Variants in RAB18 observed in about 807,000 individuals in gnomAD.
RAB18 encodes the protein ras-related protein Rab-18.
RAB18 carries 10 observed loss-of-function variants against 28.5 expected under a neutral mutation model. The observed-to-expected ratio is 0.35, with a 90% CI of 0.22 to 0.60. The LOEUF (loss-of-function observed/expected upper bound fraction) is 0.60. Ranked by LOEUF, RAB18 falls within the 20% of genes least tolerant of loss-of-function variation. RAB18 has a pLI of 0.78. For synonymous variants in RAB18, 93 were observed against 86.9 expected, an observed-to-expected ratio of 1.07 and a Z score of -0.39; for missense variants, 188 against 244.2, an observed-to-expected ratio of 0.77 and a Z score of 1.53.
intron 6 of RAB18, among the ~76,000 whole-genome samples, chr10:27,536,923 G>A (rs1327756905): frequency 1.3e-5 from 2 of 152,212 alleles, no homozygotes; most frequent in South Asian, 4.1e-4. Flanking sequence ...TTTAGAAGAG[G>A]TTTCAAAGAG....
chr10:27,534,075 A>G, intron 6 of RAB18, 81 bp downstream of exon 6: 2 of 1,318,332 alleles, frequency 1.5e-6, no homozygotes, highest in East Asian at 2.3e-5. Flanking sequence ...TTATTTCTTT[A>G]TGAACCATAA....
rs1564836560 is a variant in RAB18 at position 27,532,566 on chromosome 10, G to A, written c.246G>A (p.Gln82=). 6.3e-7 allele frequency: 1 copy of A among 1,598,670 alleles called. No individual in the cohort carries two copies. The highest frequency in any genetic ancestry group is 2.2e-5 in the East Asian group (1 of 44,630). ...CTCCCAGCTATTATAGAGGTGCACA[G>A]GGTGTTATATTAGGTAAGTGTTTAC... ...TLTPSYYRGA[Q]GVILVYDVTR... Residue 82 remains glutamine (Q), a synonymous_variant, in exon 4 of 7, where the codon CAG becomes CAA. Transcript: ENST00000356940.
At chr10:27,519,194 A>C (rs565332299) in intron 2 of RAB18, among the ~76,000 whole-genome samples, 19 of 152,242 alleles carry the variant, frequency 1.2e-4, no homozygotes, top group Admixed American at 7.2e-4. Context: ...CTAAAAAAGA[A>C]ATATCACGTA....
Position 27,541,505 on chromosome 10 carries a change from T to TGCCCCTC in RAB18, c.*3460_*3461insCGCCCCT, listed in dbSNP as rs1174688583. ...GATTGTGGTATAAAGTTTGCTTAAG[T>TGCCCCTC]GCCCCTTAGTTAAAGCTGTTCAATG... On this transcript the variant is annotated 3_prime_UTR_variant, in exon 7 of 7. Coordinates refer to ENST00000356940, the MANE Select transcript of RAB18 (RefSeq NM_021252.5). 1 of 454,050 alleles carries TGCCCCTC rather than the reference T, an allele frequency of 2.2e-6. No homozygotes were observed. The highest frequency in any genetic ancestry group is 4.4e-6 in the Non-Finnish European group (1 of 226,774). The allele number at this position is 454,050 out of a possible 1,614,324, so 28.1% of individuals were successfully genotyped here.
chr10:27,506,816 G>A (rs1837850170), intron 1 of RAB18, among the ~76,000 whole-genome samples: 1 of 152,038 alleles, frequency 6.6e-6, no homozygotes, highest in African/African-American at 2.4e-5. Context: ...CCTAGTTCAT[G>A]CCACCGAAAC....
rs1254580125 is a variant in RAB18, at chr10:27,538,386, T to G, written c.*335T>G. 3 of 471,834 alleles carry G rather than the reference T, an allele frequency of 6.4e-6. No individual in the cohort carries two copies. Among genetic ancestry groups the G allele is most frequent in the African/African-American group, 3.9e-5 (2 of 50,752 alleles). 29.2% of individuals were successfully genotyped at this position (471,834 alleles called of 1,614,324 possible). On this transcript the variant is annotated 3_prime_UTR_variant, in exon 7 of 7. Transcript: ENST00000356940. ...CAAAGTCTGCTTTTGCTATTCTTTT[T>G]GCTTAAATACTCCTATCATTTTCTG... is the stretch of plus-strand genomic sequence containing the variant.
In RAB18 at chr10:27,539,223, A is replaced by G; in HGVS notation, c.*1172A>G. 1 of 329,482 alleles carries G rather than the reference A, an allele frequency of 3.0e-6. No individual in the cohort carries two copies. Among genetic ancestry groups the G allele is most frequent in the Non-Finnish European group, 5.9e-6 (1 of 170,260 alleles). The allele number at this position is 329,482 out of a possible 1,614,324, so 20.4% of individuals were successfully genotyped here. A position where few individuals can be genotyped will look rare whatever the true frequency, so the allele number is the denominator to read the frequency against. ...ATTTTTTTCATTCATGTGTTATTTA[A>G]TTTACACTGATCTCTGCTATTTTAA... On this transcript the variant is annotated 3_prime_UTR_variant, in exon 7 of 7. Transcript: ENST00000356940.
intron 2 of RAB18, among the ~76,000 whole-genome samples, chr10:27,511,610 T>G (rs1473988969): frequency 1.3e-5 from 2 of 152,252 alleles, no homozygotes; most frequent in East Asian, 3.8e-4. Context: ...TCTCTCAATT[T>G]GTGTATGTCC....
intron 2 of RAB18, among the ~76,000 whole-genome samples, chr10:27,515,310 ATTTT>A (rs1051788582): frequency 6.6e-6 from 1 of 152,020 alleles, no homozygotes; most frequent in Non-Finnish European, 1.5e-5. Flanking sequence ...TAAGTTTTTT[ATTTT>A]TTTATTTACC....
rs1249363406 is a variant in RAB18, at chr10:27,539,801, C to G, written c.*1750C>G. ...TTTATATTGTAACCTTTTTCTAGTTCTTGAATAAATATAGCCTGCTTTCCC... is the reference window on the plus strand; with the variant it reads ...TTTATATTGTAACCTTTTTCTAGTTGTTGAATAAATATAGCCTGCTTTCCC... On this transcript the variant is annotated 3_prime_UTR_variant, in exon 7 of 7. Coordinates refer to ENST00000356940, the MANE Select transcript of RAB18 (RefSeq NM_021252.5). 2 of 452,226 alleles carry G rather than the reference C, an allele frequency of 4.4e-6. No individual in the cohort carries two copies. Among genetic ancestry groups the G allele is most frequent in the African/African-American group, 2.0e-5 (1 of 49,856 alleles). The allele number at this position is 452,226 out of a possible 1,614,324, so 28.0% of individuals were successfully genotyped here. A position where few individuals can be genotyped will look rare whatever the true frequency, so the allele number is the denominator to read the frequency against.
rs916176818 is a variant in RAB18, at chr10:27,540,868, C to T, written c.*2817C>T. ...GCTTGCATGGTCAAGAGACATGATT[C>T]TCTACTAAGGGTGGGGCTAGCACCA... On this transcript the variant is annotated 3_prime_UTR_variant, in exon 7 of 7. Transcript: ENST00000356940. 4 of 453,914 alleles carry T rather than the reference C, an allele frequency of 8.8e-6. No individual in the cohort carries two copies. Among genetic ancestry groups the T allele is most frequent in the Non-Finnish European group, 1.8e-5 (4 of 226,780 alleles). 28.1% of individuals were successfully genotyped at this position (453,914 alleles called of 1,614,324 possible).
chr10:27,518,373 C>T (rs970880155), intron 2 of RAB18, among the ~76,000 whole-genome samples: 1 of 152,120 alleles, frequency 6.6e-6, no homozygotes, highest in African/African-American at 2.4e-5. Context: ...TATGAGAATT[C>T]TTATTCTTCT....
chr10:27,530,506 ATG>A (rs1299527225), intron 3 of RAB18, among the ~76,000 whole-genome samples: 2 of 151,888 alleles, frequency 1.3e-5, no homozygotes, highest in East Asian at 3.9e-4. Context: ...CAAAGTTATA[ATG>A]TATCTGGATA....
Position 27,513,032 on chromosome 10 carries a change from A to T in RAB18, c.124+3102A>T, listed in dbSNP as rs926051124. 3.1e-3 allele frequency among the ~76,000 whole-genome samples: 445 copies of T among 142,572 alleles called. 3 individuals are homozygous for T. The highest frequency in any genetic ancestry group is 0.011 in the African/African-American group (421 of 38,546). 93.5% of individuals were successfully genotyped at this position (142,572 alleles called of 152,430 possible). On this transcript the variant is annotated intron_variant, in intron 2 of 6. Coordinates refer to ENST00000356940, the MANE Select transcript of RAB18 (RefSeq NM_021252.5). Reference sequence around the variant, plus strand: ...GGTAATAACATATATATATATATATATTTTTTTTTTTTTTTTGGAGACAAG... The same window carrying T: ...GGTAATAACATATATATATATATATTTTTTTTTTTTTTTTTTGGAGACAAG...
intron 2 of RAB18, chr10:27,510,380 G>C (rs12356076): frequency 0.43 from 87,658 of 201,682 alleles, 20,092 homozygotes; most frequent in Non-Finnish European, 0.5. Flanking sequence ...TGTTTGACGT[G>C]TATTCTTATC....
Position 27,541,400 on chromosome 10 carries a change from G to A in RAB18, c.*3349G>A, listed in dbSNP as rs756197486. On this transcript the variant is annotated 3_prime_UTR_variant, in exon 7 of 7. Transcript: ENST00000356940. ...AGTTGGGAACATCTATCATGCTGGAGGACTACTGTGATGGGGCTTTACATT... is the reference window on the plus strand; with the variant it reads ...AGTTGGGAACATCTATCATGCTGGAAGACTACTGTGATGGGGCTTTACATT... 2.2e-6 allele frequency: 1 copy of A among 453,372 alleles called. No homozygotes were observed. Among genetic ancestry groups the A allele is most frequent in the South Asian group, 1.6e-5 (1 of 64,438 alleles). 28.1% of individuals were successfully genotyped at this position (453,372 alleles called of 1,614,324 possible). A position where few individuals can be genotyped will look rare whatever the true frequency, so the allele number is the denominator to read the frequency against.
At chr10:27,506,995 G>T (rs1343465302) in intron 1 of RAB18, among the ~76,000 whole-genome samples, 2 of 152,150 alleles carry the variant, frequency 1.3e-5, no homozygotes, top group African/African-American at 2.4e-5. Flanking sequence ...TACATTATTG[G>T]CCTGTGTGAT....
Position 27,539,077 on chromosome 10 carries a change from A to G in RAB18, c.*1026A>G, listed in dbSNP as rs1834964884. The G allele has an allele frequency of 2.3e-6, 1 of 426,244 alleles. No individual in the cohort carries two copies. Among genetic ancestry groups the G allele is most frequent in the Admixed American group, 2.6e-5 (1 of 38,168 alleles). 26.4% of individuals were successfully genotyped at this position (426,244 alleles called of 1,614,324 possible). A position where few individuals can be genotyped will look rare whatever the true frequency, so the allele number is the denominator to read the frequency against. Reference sequence around the variant, plus strand: ...ATGTGTGAGGGAAAATACTGTCACAATGAAAATCTTGACAATTTACTTAAC... The same window carrying G: ...ATGTGTGAGGGAAAATACTGTCACAGTGAAAATCTTGACAATTTACTTAAC... On this transcript the variant is annotated 3_prime_UTR_variant, in exon 7 of 7. Transcript: ENST00000356940.
intron 3 of RAB18, chr10:27,528,403 A>G (rs754749308): frequency 2.0e-5 from 9 of 449,018 alleles, no homozygotes; most frequent in South Asian, 6.3e-5. Flanking sequence ...AAGAACATCT[A>G]TAAAAGTATA....
Sources: allele counts gnomAD v4.1 joint callset (sites outside exome capture counted in the v4.1 genomes callset), GRCh38; gene constraint gnomAD v4.1.1; transcripts MANE v1.5; gene names NCBI Gene and HGNC (gene_info 2026-07-23, HGNC 2026-07-21).